Variants in AJAP1 observed in about 807,000 individuals in gnomAD.
AJAP1 encodes the protein adherens junctions associated protein 1, also known as adherens junction-associated protein 1.
AJAP1 carries 5 observed loss-of-function variants against 35.0 expected under a neutral mutation model. That is an observed-to-expected ratio of 0.14 (90% CI 0.07 to 0.30). AJAP1 has a LOEUF of 0.30. Ranked by LOEUF, AJAP1 falls within the 10% of genes least tolerant of loss-of-function variation. The pLI is 1.00. For missense variants in AJAP1, 586 were observed against 571.0 expected, an observed-to-expected ratio of 1.03 and a Z score of -0.27; for synonymous variants, 284 against 249.3, an observed-to-expected ratio of 1.14 and a Z score of -1.31.
At chr1:4,776,782 A>C (rs1028816574) in intron 5 of AJAP1, among the ~76,000 whole-genome samples, 2 of 152,096 alleles carry the variant, frequency 1.3e-5, no homozygotes, top group African/African-American at 4.8e-5. Context: ...GTGCCTGAGG[A>C]GCTGTTTCAG....
intron 2 of AJAP1, among the ~76,000 whole-genome samples, chr1:4,760,983 A>G (rs181828931): frequency 6.6e-6 from 1 of 152,226 alleles, no homozygotes; most frequent in East Asian, 1.9e-4. Context: ...TGAAATGTGC[A>G]TTGAGATCAT....
chr1:4,776,169 G>C (rs1048808667), intron 5 of AJAP1, among the ~76,000 whole-genome samples: 1 of 152,248 alleles, frequency 6.6e-6, no homozygotes, highest in Non-Finnish European at 1.5e-5. Context: ...TGTTTGCACG[G>C]CAGCTCGTGG....
Position 4,782,974 on chromosome 1 carries a change from G to T in AJAP1, c.*489G>T. 2.5e-6 allele frequency: 1 copy of T among 397,212 alleles called. No individual in the cohort carries two copies. Among genetic ancestry groups the T allele is most frequent in the East Asian group, 3.6e-5 (1 of 28,018 alleles). 24.6% of individuals were successfully genotyped at this position (397,212 alleles called of 1,614,324 possible). A position where few individuals can be genotyped will look rare whatever the true frequency, so the allele number is the denominator to read the frequency against. The stretch of plus-strand genomic sequence containing the variant: ...GAGAAATCTTACAGAAAACAGGGGT[G>T]GGAATCTCTTCCGATAGAGTCGCTA... On this transcript the variant is annotated 3_prime_UTR_variant, in exon 6 of 6. Transcript: ENST00000378191. This position sits in a 1 kb window ranked among gnomAD's most constrained non-coding sequence, Gnocchi z 5.3.
intron 1 of AJAP1, among the ~76,000 whole-genome samples, chr1:4,658,601 C>T (rs940067180): frequency 6.6e-6 from 1 of 152,240 alleles, no homozygotes. Flanking sequence ...GACAATCATG[C>T]TTGACTAAAC....
At position 4,731,167 on chromosome 1, in the gene AJAP1, G is replaced by A. The variant is rs950180887; in HGVS notation, c.829+18468G>A. 3.9e-5 allele frequency among the ~76,000 whole-genome samples: 6 copies of A among 152,122 alleles called. No individual in the cohort carries two copies. In the East Asian group the frequency reaches 5.8e-4, roughly 15 times the overall value. ...ACAATCTTGGCTCACTGCAACCTCC[G>A]CCTTCCGGGTTCAAGCGATTCTCTT... On this transcript the variant is annotated intron_variant, in intron 2 of 5. Coordinates refer to ENST00000378191, the MANE Select transcript of AJAP1 (RefSeq NM_018836.4).
At chr1:4,776,272 C>T (rs1641938427) in intron 5 of AJAP1, among the ~76,000 whole-genome samples, 1 of 152,166 alleles carries the variant, frequency 6.6e-6, no homozygotes, top group Non-Finnish European at 1.5e-5. Context: ...CCGAGGTCAG[C>T]TCCCTAGGGG....
chr1:4,684,467 G>A (rs550039879), intron 1 of AJAP1, among the ~76,000 whole-genome samples: 29 of 152,232 alleles, frequency 1.9e-4, no homozygotes, highest in Non-Finnish European at 3.1e-4. Context: ...GGTCTAGGGC[G>A]GCCTTGTGGC....
intron 1 of AJAP1, among the ~76,000 whole-genome samples, chr1:4,703,268 G>A (rs1640028996): frequency 1.3e-5 from 2 of 152,196 alleles, no homozygotes; most frequent in Non-Finnish European, 2.9e-5. Flanking sequence ...AAGAAAGTGG[G>A]TGTTCCCTTC....
chr1:4,769,835 C>T lies in AJAP1; in HGVS notation c.830-18C>T, dbSNP rs1368441938. The T allele has an allele frequency of 4.0e-5, 64 of 1,610,800 alleles. No homozygotes were observed. The highest frequency in any genetic ancestry group is 4.9e-5 in the Non-Finnish European group (58 of 1,177,118). ...CCTGGTTTCACGGGTGCCCTCTTCC[C>T]TCTTTCCTTCTTTCCAGGTCTGGCT... is the stretch of plus-strand genomic sequence containing the variant. On this transcript the variant is annotated intron_variant, in intron 2 of 5. Coordinates refer to ENST00000378191, the MANE Select transcript of AJAP1 (RefSeq NM_018836.4).
chr1:4,764,272 C>T (rs1557645117), intron 2 of AJAP1, among the ~76,000 whole-genome samples: 2 of 152,216 alleles, frequency 1.3e-5, no homozygotes. Context: ...CAGCACACTC[C>T]TTTGTGTCCC....
chr1:4,661,348 A>G (rs1294771494), intron 1 of AJAP1, among the ~76,000 whole-genome samples: 1 of 152,164 alleles, frequency 6.6e-6, no homozygotes, highest in East Asian at 1.9e-4. Flanking sequence ...ACGGTGCTAA[A>G]CTGTTCAGCC....
chr1:4,689,831 C>T (rs533243182), intron 1 of AJAP1, among the ~76,000 whole-genome samples: 1 of 152,346 alleles, frequency 6.6e-6, no homozygotes, highest in Admixed American at 6.5e-5. Context: ...GCCAAGGCCG[C>T]CCCCTCTCGC....
At chr1:4,774,659 A>G (rs1641907190) in intron 5 of AJAP1, 101 bp downstream of exon 5, 3 of 657,038 alleles carry the variant, frequency 4.6e-6, no homozygotes, top group Admixed American at 5.5e-5. Context: ...TCTTTTAGAC[A>G]TGGCGGGTGG....
At position 4,786,477 on chromosome 1, in the gene AJAP1, A is replaced by G. The variant is rs1297860679; in HGVS notation, c.*3992A>G. 6.6e-6 allele frequency: 1 copy of G among 152,186 alleles called. No individual in the cohort carries two copies. The highest frequency in any genetic ancestry group is 1.5e-5 in the Non-Finnish European group (1 of 68,054). 9.4% of individuals were successfully genotyped at this position (152,186 alleles called of 1,614,324 possible). A position where few individuals can be genotyped will look rare whatever the true frequency, so the allele number is the denominator to read the frequency against. ...ACCATCTTAATCCTTTCTTTCAAAA[A>G]TACGTGACTCTTTCACAGCCATATT... On this transcript the variant is annotated 3_prime_UTR_variant, in exon 6 of 6. Transcript: ENST00000378191.
chr1:4,698,478 G>T (rs1432503923), intron 1 of AJAP1, among the ~76,000 whole-genome samples: 1 of 152,230 alleles, frequency 6.6e-6, no homozygotes, highest in African/African-American at 2.4e-5. Flanking sequence ...CATCACCTTA[G>T]GTGGGCTGTT....
At chr1:4,747,193 C>T (rs1273454072) in intron 2 of AJAP1, among the ~76,000 whole-genome samples, 1 of 152,160 alleles carries the variant, frequency 6.6e-6, no homozygotes, top group Non-Finnish European at 1.5e-5. Flanking sequence ...TTTGCTGTGC[C>T]GTCGTCAGCC....
Position 4,782,661 on chromosome 1 carries a change from T to C in AJAP1, c.*176T>C, listed in dbSNP as rs1447656979. The C allele has an allele frequency of 2.5e-6, 1 of 398,214 alleles. No individual in the cohort carries two copies. The highest frequency in any genetic ancestry group is 4.4e-6 in the Non-Finnish European group (1 of 226,012). 24.7% of individuals were successfully genotyped at this position (398,214 alleles called of 1,614,324 possible). A position where few individuals can be genotyped will look rare whatever the true frequency, so the allele number is the denominator to read the frequency against. ...CGCACCTACCACTTCTGTTTGCCGG[T>C]GGGAAACTCACAGAGCAGGACGCTC... On this transcript the variant is annotated 3_prime_UTR_variant, in exon 6 of 6. Coordinates refer to ENST00000378191, the MANE Select transcript of AJAP1 (RefSeq NM_018836.4). This position sits in a 1 kb window ranked among gnomAD's most constrained non-coding sequence, Gnocchi z 5.3.
chr1:4,714,918 G>A (rs1413517628), intron 2 of AJAP1, among the ~76,000 whole-genome samples: 1 of 152,174 alleles, frequency 6.6e-6, no homozygotes, highest in African/African-American at 2.4e-5. Context: ...ACCAGAGCAG[G>A]AACAATTTAG....
intron 2 of AJAP1, among the ~76,000 whole-genome samples, chr1:4,760,966 C>A (rs1250839251): frequency 6.6e-6 from 1 of 152,216 alleles, no homozygotes; most frequent in Admixed American, 6.5e-5. Flanking sequence ...GTTGTGCAGT[C>A]TCCATGTGAA....
Sources: gnomAD v4.1 joint callset for allele counts (sites outside exome capture counted in the v4.1 genomes callset) on GRCh38, gnomAD v4.1.1 for gene constraint, Gnocchi (gnomAD v3.1) non-coding constraint, MANE v1.5 for transcripts, NCBI Gene and HGNC (gene_info 2026-07-23, HGNC 2026-07-21) for gene names.